SLX4IP: variants seen among roughly 807,000 people sequenced by gnomAD.
SLX4IP encodes the protein SLX4 interacting protein, also known as protein SLX4IP.
SLX4IP carries 34 observed loss-of-function variants against 32.9 expected under a neutral mutation model. The observed-to-expected ratio is 1.03, with a 90% CI of 0.79 to 1.38. The LOEUF is 1.38. Ranked by LOEUF, SLX4IP falls within the 40% of genes most tolerant of loss-of-function variation. SLX4IP has a pLI of 0.00. For missense variants in SLX4IP, 444 were observed against 479.0 expected (o/e 0.93, Z 0.68); for synonymous variants, 172 against 171.7 (o/e 1.00, Z -0.01).
chr20:10,543,355 A>G (rs1426189240), intron 2 of SLX4IP, among the ~76,000 whole-genome samples: 1 of 152,106 alleles, frequency 6.6e-6, no homozygotes, highest in Non-Finnish European at 1.5e-5. Context: ...TGTCTATTTG[A>G]CTCCCAAGTG....
intron 2 of SLX4IP, among the ~76,000 whole-genome samples, chr20:10,548,201 G>A (rs1300818657): frequency 6.6e-6 from 1 of 152,120 alleles, no homozygotes; most frequent in Admixed American, 6.5e-5. Flanking sequence ...TCCTGCACCA[G>A]GACATTCTCC....
chr20:10,623,102 G>C lies in SLX4IP; in HGVS notation c.950G>C (p.Arg317Pro). The change falls in exon 8 of 8, where the codon CGA (arginine) becomes CCA (proline). Residue 317 changes from arginine (R) to proline (P), a missense_variant. Arg to Pro is a moderately radical substitution (Grantham distance 103, BLOSUM62 -2). Transcript: ENST00000334534. ...HHGRVSLGSD[R>P]LVPREIIVEK... ...GGGAGAGTTTCTCTTGGAAGTGATC[G>C]ATTAGTCCCGAGAGAAATAATAGTG... 1 of 1,614,106 alleles carries C rather than the reference G, an allele frequency of 6.2e-7. No homozygotes were observed.
At chr20:10,569,235 G>T (rs1226311256) in intron 4 of SLX4IP, among the ~76,000 whole-genome samples, 4 of 150,444 alleles carry the variant, frequency 2.7e-5, no homozygotes, top group Admixed American at 1.3e-4. Flanking sequence ...GCCCAGGCTG[G>T]AGTGCAATGG....
At chr20:10,477,642 C>T (rs991499113) in intron 2 of SLX4IP, among the ~76,000 whole-genome samples, 3 of 152,128 alleles carry the variant, frequency 2.0e-5, no homozygotes, top group Admixed American at 6.5e-5. Flanking sequence ...ATCTTGGTTC[C>T]TTCTCTCCAA....
At chr20:10,449,638 A>T (rs1200489301) in intron 1 of SLX4IP, among the ~76,000 whole-genome samples, 2 of 152,218 alleles carry the variant, frequency 1.3e-5, no homozygotes, top group Non-Finnish European at 2.9e-5. Flanking sequence ...GAGGGTCTGT[A>T]AGATCTATTT....
At position 10,616,907 on chromosome 20, in the gene SLX4IP, T is replaced by A. The variant is rs994383354; in HGVS notation, c.406-4407T>A. On this transcript the variant is annotated intron_variant, in intron 6 of 7. Coordinates refer to ENST00000334534, the MANE Select transcript of SLX4IP (RefSeq NM_001009608.3). Reference sequence around the variant, plus strand: ...ACCAAGGTCCTTTCCCTCAAGGGCCTCAAGCATTGCCAGGTACAGAGGTCA... The same window carrying A: ...ACCAAGGTCCTTTCCCTCAAGGGCCACAAGCATTGCCAGGTACAGAGGTCA... 6.6e-5 allele frequency among the ~76,000 whole-genome samples: 10 copies of A among 152,342 alleles called. No homozygotes were observed. In the South Asian group the frequency reaches 1.7e-3, roughly 25 times the overall value.
At chr20:10,550,381 G>A (rs908714367) in intron 2 of SLX4IP, among the ~76,000 whole-genome samples, 12 of 152,198 alleles carry the variant, frequency 7.9e-5, no homozygotes, top group South Asian at 2.1e-4. Context: ...CCCAGTGGGC[G>A]TGGTAGAAAC....
chr20:10,447,914 AG>A (rs1434291823), intron 1 of SLX4IP, among the ~76,000 whole-genome samples: 3 of 141,002 alleles, frequency 2.1e-5, no homozygotes, highest in African/African-American at 8.0e-5. Flanking sequence ...TTTGTTGCCT[AG>A]GCTGGTCTCG....
intron 2 of SLX4IP, among the ~76,000 whole-genome samples, chr20:10,516,905 A>G (rs191577266): frequency 1.6e-3 from 237 of 152,290 alleles, no homozygotes; most frequent in African/African-American, 5.5e-3. Flanking sequence ...CAAATATGGT[A>G]TTGCTTCTCA....
At chr20:10,598,350 A>G (rs1019242100) in intron 4 of SLX4IP, among the ~76,000 whole-genome samples, 1 of 152,082 alleles carries the variant, frequency 6.6e-6, no homozygotes, top group Non-Finnish European at 1.5e-5. Flanking sequence ...TACAACCTCC[A>G]CTTCCCAGGT....
chr20:10,505,478 A>T (rs1475905855), intron 2 of SLX4IP, among the ~76,000 whole-genome samples: 1 of 152,216 alleles, frequency 6.6e-6, no homozygotes, highest in African/African-American at 2.4e-5. Context: ...CCCGACTGTG[A>T]ACTTAGGGCC....
chr20:10,564,038 C>T (rs563741827), intron 4 of SLX4IP, among the ~76,000 whole-genome samples: 5 of 152,272 alleles, frequency 3.3e-5, no homozygotes, highest in South Asian at 2.1e-4. Context: ...GGACCCAGCT[C>T]GACCACAGGA....
At chr20:10,518,693 G>T (rs1403381903) in intron 2 of SLX4IP, among the ~76,000 whole-genome samples, 1 of 151,876 alleles carries the variant, frequency 6.6e-6, no homozygotes, top group Non-Finnish European at 1.5e-5. Flanking sequence ...TCAGCCTCCT[G>T]TGTAGCTGGG....
intron 2 of SLX4IP, among the ~76,000 whole-genome samples, chr20:10,533,672 T>C (rs954694754): frequency 7.0e-6 from 1 of 142,226 alleles, no homozygotes; most frequent in Non-Finnish European, 1.5e-5. Context: ...CAGGCTGAAA[T>C]GCAATGGCAT....
intron 2 of SLX4IP, among the ~76,000 whole-genome samples, chr20:10,534,478 A>G (rs2066020036): frequency 6.6e-6 from 1 of 152,200 alleles, no homozygotes; most frequent in African/African-American, 2.4e-5. Context: ...TGCCTGCAAG[A>G]TAAAGGGTGA....
Position 10,441,731 on chromosome 20 carries a change from G to T in SLX4IP, c.-30+6278G>T, listed in dbSNP as rs117215638. On this transcript the variant is annotated intron_variant, in intron 1 of 7. Transcript: ENST00000334534. ...TGTTGAATCTGACGTGTTTGTTTTTGTTTTTTTTTTTATAAGTAAACTTTG... is the reference window on the plus strand; with the variant it reads ...TGTTGAATCTGACGTGTTTGTTTTTTTTTTTTTTTTTATAAGTAAACTTTG... 1.4e-3 allele frequency among the ~76,000 whole-genome samples: 200 copies of T among 147,682 alleles called. 3 individuals carry two copies. Among genetic ancestry groups the T allele is most frequent in the Non-Finnish European group, 1.2e-3 (79 of 67,034 alleles).
chr20:10,617,305 T>C (rs2067047096), intron 6 of SLX4IP, among the ~76,000 whole-genome samples: 1 of 152,218 alleles, frequency 6.6e-6, no homozygotes, highest in Non-Finnish European at 1.5e-5. Flanking sequence ...CCAGATCTTG[T>C]GAATCAGAAC....
intron 4 of SLX4IP, among the ~76,000 whole-genome samples, chr20:10,562,889 C>G (rs557586811): frequency 6.6e-6 from 1 of 152,278 alleles, no homozygotes; most frequent in African/African-American, 2.4e-5. Context: ...GGGTACAGAT[C>G]TCTTCAATAT....
At chr20:10,445,258 C>T (rs897130151) in intron 1 of SLX4IP, among the ~76,000 whole-genome samples, 15 of 151,268 alleles carry the variant, frequency 9.9e-5, no homozygotes, top group African/African-American at 3.6e-4. Flanking sequence ...GCACCTTACT[C>T]TGGGGACCAC....
Sources: allele counts gnomAD v4.1 joint callset (sites outside exome capture counted in the v4.1 genomes callset), GRCh38; gene constraint gnomAD v4.1.1; transcripts MANE v1.5; gene names NCBI Gene and HGNC (gene_info 2026-07-23, HGNC 2026-07-21).